Variants in ASAH1 observed in about 807,000 individuals in gnomAD.
The protein encoded by ASAH1 is N-acylsphingosine amidohydrolase 1.
ASAH1 carries 70 observed loss-of-function variants against 59.5 expected under a neutral mutation model. That is an observed-to-expected ratio of 1.18 (90% CI 0.97 to 1.43). ASAH1 has a LOEUF of 1.43. Among genes scored for constraint, ASAH1 ranks in the 40% most tolerant of loss-of-function variants. ASAH1 has a pLI of 0.00. For synonymous variants in ASAH1, 213 were observed against 166.5 expected, an observed-to-expected ratio of 1.28 and a Z score of -2.15; for missense variants, 660 against 482.5, an observed-to-expected ratio of 1.37 and a Z score of -3.45.
chr8:18,079,289 C>G (rs1024360), intron 1 of ASAH1, among the ~76,000 whole-genome samples: 1 of 138,562 alleles, frequency 7.2e-6, no homozygotes, highest in African/African-American at 2.7e-5. Context: ...AAAAAAAAAA[C>G]AAAAAACTCT....
chr8:18,067,228 A>C lies in ASAH1; in HGVS notation c.374T>G (p.Ile125Arg). Residue 125 changes from isoleucine to arginine, a missense_variant, in exon 5 of 14, where the codon ATA becomes AGA. Physicochemically the swap from Ile to Arg is moderately conservative, Grantham distance 97. Coordinates refer to ENST00000637790, the MANE Select transcript of ASAH1 (RefSeq NM_177924.5). ...TTCTAAGTGAACTTTACCTAAAGGT[A>C]TATCAGTAACAGCGGCAATACCCTT... ...EMKGIAAVTD[I>R]PLGEIISFNI... The C allele has an allele frequency of 6.2e-7, 1 of 1,601,408 alleles. No individual in the cohort carries two copies. The highest frequency in any genetic ancestry group is 1.1e-5 in the South Asian group (1 of 90,346).
At chr8:18,083,499 T>G (rs1008935287) in intron 1 of ASAH1, 1 of 192,818 alleles carries the variant, frequency 5.2e-6, no homozygotes, top group African/African-American at 2.4e-5. Flanking sequence ...TGCTCTGGGC[T>G]GCTCGCACCG....
chr8:18,058,621 A>C (rs1169383167), intron 13 of ASAH1: 1 of 580,562 alleles, frequency 1.7e-6, no homozygotes, highest in Non-Finnish European at 3.1e-6. Flanking sequence ...TAAAGCTATA[A>C]ACAATATTCT....
intron 5 of ASAH1, chr8:18,065,066 C>T (rs1196339009): frequency 1.3e-5 from 2 of 152,228 alleles, no homozygotes; most frequent in Non-Finnish European, 2.9e-5. Flanking sequence ...GTAGGCAGCA[C>T]ATTGTATTTC....
Position 18,058,883 on chromosome 8 carries a change from T to C in ASAH1, c.1050A>G (p.Ser350=), listed in dbSNP as rs143850063. The C allele has an allele frequency of 1.2e-6, 2 of 1,612,042 alleles. No homozygotes were observed. The highest frequency in any genetic ancestry group is 1.3e-5 in the African/African-American group (1 of 75,008). ...ACAGGACATCATACATGGTTTCAAA[T>C]GAGATATTCTAAAACACAAGAAAAT... ...CLNRTSQENI[S]FETMYDVLST... The change falls in exon 13 of 14, where the codon TCA becomes TCG. Residue 350 remains serine, a synonymous_variant. Coordinates refer to ENST00000637790, the MANE Select transcript of ASAH1 (RefSeq NM_177924.5).
upstream of ASAH1, chr8:18,084,878 G>A: frequency 6.3e-7 from 1 of 1,580,258 alleles, no homozygotes; most frequent in South Asian, 1.1e-5. Flanking sequence ...GGAGGCGGAC[G>A]CGAGTAGCTC....
In ASAH1 at chr8:18,073,022, A is replaced by T. The variant is rs1451830678; in HGVS notation, c.126-1632T>A. 2.0e-5 allele frequency among the ~76,000 whole-genome samples: 3 copies of T among 152,308 alleles called. No individual in the cohort carries two copies. The East Asian group carries it at 5.8e-4, about 29-fold the overall frequency. On this transcript the variant is annotated intron_variant, in intron 2 of 13. Coordinates refer to ENST00000637790, the MANE Select transcript of ASAH1 (RefSeq NM_177924.5). ...AGAGGGGATGAACACAACACAACGG[A>T]CAATGAAGGGATTACAATGAAGTGG...
chr8:18,068,804 G>A (rs1021663857), intron 4 of ASAH1: 21 of 152,644 alleles, frequency 1.4e-4, no homozygotes, highest in African/African-American at 5.1e-4. Flanking sequence ...CGGGCATCCT[G>A]GAATGTAGAC....
rs11203934 is a variant in ASAH1 at position 18,059,944 on chromosome 8, T to C, written c.786-241A>G. 0.53 allele frequency: 210,426 copies of C among 398,790 alleles called. 59,766 individuals carry two copies. The highest frequency in any genetic ancestry group is 0.64 in the Non-Finnish European group (141,075 of 221,338). 24.7% of individuals were successfully genotyped at this position (398,790 alleles called of 1,614,324 possible). On this transcript the variant is annotated intron_variant, in intron 10 of 13. Coordinates refer to ENST00000637790, the MANE Select transcript of ASAH1 (RefSeq NM_177924.5). ...CTCCCTCCCCTTTCACCCCACCCCC[T>C]GACAGGCCCTGGTGCGTGATGTTCC...
At chr8:18,061,317 A>AT in intron 10 of ASAH1, 60 bp downstream of exon 10, 3 of 1,385,316 alleles carry the variant, frequency 2.2e-6, no homozygotes, top group East Asian at 2.5e-5. Context: ...AAATATTTTT[A>AT]TTTTTTAATA....
chr8:18,084,463 C>T, upstream of ASAH1: 3 of 1,321,474 alleles, frequency 2.3e-6, no homozygotes, highest in Non-Finnish European at 3.0e-6. Context: ...CCCGCGTACC[C>T]AGGCGTCCTC....
intron 1 of ASAH1, chr8:18,075,845 G>C: frequency 3.9e-6 from 2 of 517,420 alleles, no homozygotes; most frequent in South Asian, 2.1e-5. Context: ...CAAATATATT[G>C]AGTAACGAAC....
chr8:18,059,015 G>T, intron 12 of ASAH1, 124 bp from the exon 13 acceptor site: 1 of 888,296 alleles, frequency 1.1e-6, no homozygotes, highest in Non-Finnish European at 1.8e-6. Context: ...TCCCCGCAGT[G>T]GAGTTTCTGT....
At chr8:18,065,627 C>T (rs1036118311) in intron 5 of ASAH1, 5 of 151,958 alleles carry the variant, frequency 3.3e-5, no homozygotes, top group Admixed American at 6.6e-5. Flanking sequence ...ATAATTTTAA[C>T]GAATGGCATG....
At chr8:18,065,084 T>C (rs1282905094) in intron 5 of ASAH1, 2 of 152,186 alleles carry the variant, frequency 1.3e-5, no homozygotes, top group Non-Finnish European at 2.9e-5. Context: ...TTCTGTCCCA[T>C]TTAACATTAA....
intron 1 of ASAH1, 100 bp from the exon 2 acceptor site, chr8:18,075,687 T>C: frequency 4.6e-6 from 5 of 1,076,448 alleles, no homozygotes; most frequent in Non-Finnish European, 7.2e-6. Flanking sequence ...ACATCAAGTC[T>C]GATATTGCTC....
rs779806246 is a variant in ASAH1, at chr8:18,059,717, T to C, written c.786-14A>G. On this transcript the variant is annotated splice_polypyrimidine_tract_variant and intron_variant, in intron 10 of 13. Coordinates refer to ENST00000637790, the MANE Select transcript of ASAH1 (RefSeq NM_177924.5). Reference sequence around the variant, plus strand: ...GCTTCTTCATAACTATATAGAAACATTTAAAAAGAAAAATGAAACTTTTTT... The same window carrying C: ...GCTTCTTCATAACTATATAGAAACACTTAAAAAGAAAAATGAAACTTTTTT... The C allele has an allele frequency of 6.3e-7, 1 of 1,595,144 alleles. No homozygotes were observed. Among genetic ancestry groups the C allele is most frequent in the Non-Finnish European group, 8.5e-7 (1 of 1,172,916 alleles).
intron 1 of ASAH1, among the ~76,000 whole-genome samples, chr8:18,077,478 G>C (rs143687468): frequency 7.9e-4 from 120 of 152,248 alleles, no homozygotes; most frequent in African/African-American, 2.7e-3. Context: ...GTTTTATACA[G>C]ATGATTCAGA....
Position 18,056,077 on chromosome 8 carries a change from T to G in ASAH1, c.*1457A>C, listed in dbSNP as rs142194746. ...CATCAAGTTGACCTGACTTCATTTA[T>G]GTAAGAGGTAGAAAATCTGAGTAAA... is the stretch of plus-strand genomic sequence containing the variant. On this transcript the variant is annotated 3_prime_UTR_variant, in exon 14 of 14. Coordinates refer to ENST00000637790, the MANE Select transcript of ASAH1 (RefSeq NM_177924.5). The G allele has an allele frequency of 6.6e-6, 1 of 152,244 alleles. No homozygotes were observed. The highest frequency in any genetic ancestry group is 1.5e-5 in the Non-Finnish European group (1 of 68,048). 9.4% of individuals were successfully genotyped at this position (152,244 alleles called of 1,614,324 possible).
Sources: allele counts gnomAD v4.1 joint callset (sites outside exome capture counted in the v4.1 genomes callset), GRCh38; gene constraint gnomAD v4.1.1; transcripts MANE v1.5; gene names NCBI Gene and HGNC (gene_info 2026-07-23, HGNC 2026-07-21).